OSBPL3: variants seen among roughly 807,000 people sequenced by gnomAD.
The protein encoded by OSBPL3 is oxysterol binding protein like 3.
A neutral mutation model predicts 120.1 loss-of-function variants in OSBPL3; 65 were observed. The ratio of observed to expected loss-of-function variants is 0.54; its 90% confidence interval spans 0.44 to 0.67. The LOEUF (loss-of-function observed/expected upper bound fraction) is 0.67, where lower values mean the gene tolerates loss of function less well. OSBPL3 is among the 30% of genes least tolerant of loss of function. The probability of loss-of-function intolerance (pLI) is 0.00; values close to 1 mark genes in which losing one functional copy is unlikely to be tolerated. For synonymous variants in OSBPL3, 416 were observed against 402.6 expected, an observed-to-expected ratio of 1.03 and a Z score of -0.40; for missense variants, 1,004 against 1,082.1, an observed-to-expected ratio of 0.93 and a Z score of 1.01.
chr7:24,925,767 G>A (rs114503947), intron 1 of OSBPL3, among the ~76,000 whole-genome samples: 1 of 152,210 alleles, frequency 6.6e-6, no homozygotes, highest in Admixed American at 6.5e-5. Context: ...TACTGATGGT[G>A]TATTCAAAGC....
chr7:24,852,283 C>A lies in OSBPL3; in HGVS notation c.1158+221G>T, dbSNP rs1298762063. 6.6e-6 allele frequency among the ~76,000 whole-genome samples: 1 copy of A among 152,050 alleles called. No homozygotes were observed. Among genetic ancestry groups the A allele is most frequent in the African/African-American group, 2.4e-5 (1 of 41,400 alleles). Reference sequence around the variant, plus strand: ...AAAATTAAGATCAGTCAGAGGAAACCAAACTTAAAGAAGGTATCACTTAAT... The same window carrying A: ...AAAATTAAGATCAGTCAGAGGAAACAAAACTTAAAGAAGGTATCACTTAAT... On this transcript the variant is annotated intron_variant, in intron 11 of 22. Transcript: ENST00000313367. The surrounding 1 kb of genome is among the most constrained non-coding windows in gnomAD (Gnocchi z 4.1).
intron 5 of OSBPL3, among the ~76,000 whole-genome samples, chr7:24,869,634 C>T (rs1365156922): frequency 6.6e-6 from 1 of 152,150 alleles, no homozygotes; most frequent in Non-Finnish European, 1.5e-5. Flanking sequence ...AAGTCGGCCT[C>T]CCACACCAAA....
chr7:24,816,461 A>C (rs1794476194), intron 18 of OSBPL3, 149 bp downstream of exon 18: 1 of 635,648 alleles, frequency 1.6e-6, no homozygotes. Flanking sequence ...TGCCAAAAGG[A>C]GGAACATTTA....
chr7:24,836,301 A>C (rs1271073812), intron 14 of OSBPL3, among the ~76,000 whole-genome samples: 2 of 152,058 alleles, frequency 1.3e-5, no homozygotes, highest in Non-Finnish European at 2.9e-5. Context: ...TTTCATTTTT[A>C]ATTTCTGTCA....
At chr7:24,882,590 T>A (rs1803867577) in intron 2 of OSBPL3, among the ~76,000 whole-genome samples, 1 of 152,240 alleles carries the variant, frequency 6.6e-6, no homozygotes, top group Non-Finnish European at 1.5e-5. Flanking sequence ...TATATTTATT[T>A]CTTTTCCTTT....
Position 24,861,775 on chromosome 7 carries a change from G to A in OSBPL3, c.871-6C>T, listed in dbSNP as rs779409747. 5.7e-6 allele frequency: 9 copies of A among 1,569,470 alleles called. No individual in the cohort carries two copies. The East Asian group carries it at 2.1e-4, about 36-fold the overall frequency. ...CCAGAAAAAGGTTTCGGGACCTGAA[G>A]TAACACCAAAGGGAGATATTTCTTT... On this transcript the variant is annotated splice_polypyrimidine_tract_variant and splice_region_variant and intron_variant, in intron 9 of 22. Coordinates refer to ENST00000313367, the MANE Select transcript of OSBPL3 (RefSeq NM_015550.4).
rs764249870 is a variant in OSBPL3 at position 24,892,378 on chromosome 7, T to G, written c.95A>C (p.Gln32Pro). The stretch of plus-strand genomic sequence containing the variant: ...AAATTTGCATGAGTTAAACTTTACC[T>G]GTCGACTTCCTTGCTTGGAAGAGCA... ...SSCSSKQGSR[Q>P]DSWEVVEGLR... is the part of the protein sequence containing the mutation. Residue 32 changes from glutamine (Q) to proline (P), a missense_variant and splice_region_variant, in exon 2 of 23, where the codon CAG (glutamine) becomes CCG (proline). Physicochemically the swap from Gln to Pro is moderately conservative, Grantham distance 76. Coordinates refer to ENST00000313367, the MANE Select transcript of OSBPL3 (RefSeq NM_015550.4). The G allele has an allele frequency of 8.7e-6, 14 of 1,613,132 alleles. No homozygotes were observed. The highest frequency in any genetic ancestry group is 1.7e-6 in the Non-Finnish European group (2 of 1,179,316).
At chr7:24,869,154 C>A (rs1801769829) in intron 5 of OSBPL3, among the ~76,000 whole-genome samples, 1 of 152,192 alleles carries the variant, frequency 6.6e-6, no homozygotes, top group South Asian at 2.1e-4. Context: ...CCAAACAGAA[C>A]TTAAAGCAAA....
chr7:24,917,401 C>CATATATATATATATAT (rs59525014), intron 1 of OSBPL3, among the ~76,000 whole-genome samples: 2,317 of 99,720 alleles, frequency 0.023, 40 homozygotes, highest in South Asian at 0.03. Context: ...ATATTTGTAA[C>CATATATATATATATAT]ATATATATAT....
Position 24,804,231 on chromosome 7 carries a change from A to G in OSBPL3, c.2567+84T>C, listed in dbSNP as rs556548206. ...CTGGAGAATGCTCTTATCTGGGGAC[A>G]GTACTGTTCACTTTCTGCAAACCAG... On this transcript the variant is annotated intron_variant, in intron 22 of 22. Transcript: ENST00000313367. The surrounding 1 kb of genome is among the most constrained non-coding windows in gnomAD (Gnocchi z 5.4). 6.7e-5 allele frequency: 100 copies of G among 1,498,072 alleles called. No homozygotes were observed. The African/African-American group carries it at 1.3e-3, about 19-fold the overall frequency. 92.8% of individuals were successfully genotyped at this position (1,498,072 alleles called of 1,614,324 possible).
In OSBPL3 at chr7:24,955,636, C is replaced by A. The variant is rs1814953936; in HGVS notation, c.-150+24250G>T. ...GCCATTTCTATGTAAAATCAAACAG[C>A]AGCACCCCTGTCCCCTATACACTCT... On this transcript the variant is annotated intron_variant, in intron 1 of 22. Transcript: ENST00000313367. The surrounding 1 kb of genome is among the most constrained non-coding windows in gnomAD (Gnocchi z 4.3). 6.6e-6 allele frequency among the ~76,000 whole-genome samples: 1 copy of A among 152,220 alleles called. No homozygotes were observed. The highest frequency in any genetic ancestry group is 1.5e-5 in the Non-Finnish European group (1 of 68,044).
At chr7:24,962,438 G>A (rs1264212486) in intron 1 of OSBPL3, among the ~76,000 whole-genome samples, 1 of 105,468 alleles carries the variant, frequency 9.5e-6, no homozygotes, top group Non-Finnish European at 2.1e-5. Context: ...GAGGAGAGAG[G>A]AGGAGAGAGG....
chr7:24,946,052 G>C lies in OSBPL3; in HGVS notation c.-150+33834C>G, dbSNP rs1447042909. Among the ~76,000 whole-genome samples the C allele has an allele frequency of 1.3e-5, 2 of 152,128 alleles. No homozygotes were observed. Among genetic ancestry groups the C allele is most frequent in the South Asian group, 2.1e-4 (1 of 4,818 alleles). ...GCCAGGTGGGGCTGGAGCTAGGTGG[G>C]GCTAGAGTCATCTGAAGGCTCAGCT... On this transcript the variant is annotated intron_variant, in intron 1 of 22. Coordinates refer to ENST00000313367, the MANE Select transcript of OSBPL3 (RefSeq NM_015550.4). The surrounding 1 kb of genome is among the most constrained non-coding windows in gnomAD (Gnocchi z 4.3).
intron 22 of OSBPL3, among the ~76,000 whole-genome samples, chr7:24,801,014 G>A (rs571347549): frequency 1.3e-5 from 2 of 150,862 alleles, no homozygotes; most frequent in South Asian, 2.1e-4. Flanking sequence ...AGGCCGAAGC[G>A]GGCACATCAC....
Position 24,940,921 on chromosome 7 carries a change from G to A in OSBPL3, c.-150+38965C>T, listed in dbSNP as rs931541309. Among the ~76,000 whole-genome samples, 3 of 151,538 alleles carry A rather than the reference G, an allele frequency of 2.0e-5. No homozygotes were observed. Among genetic ancestry groups the A allele is most frequent in the South Asian group, 2.1e-4 (1 of 4,800 alleles). On this transcript the variant is annotated intron_variant, in intron 1 of 22. Transcript: ENST00000313367. This position sits in a 1 kb window ranked among gnomAD's most constrained non-coding sequence, Gnocchi z 4.4. ...TGCAAGCTCTGCCTCCCGGGTTCAA[G>A]CCATTCTCCTGCCCCAGCCTCCCAA... is the stretch of plus-strand genomic sequence containing the variant.
At chr7:24,823,555 G>C (rs1482568118) in intron 16 of OSBPL3, among the ~76,000 whole-genome samples, 1 of 151,972 alleles carries the variant, frequency 6.6e-6, no homozygotes, top group African/African-American at 2.4e-5. Flanking sequence ...CAGGGCTCGT[G>C]TCCCTCCCCA....
rs1266906627 is a variant in OSBPL3, at chr7:24,955,378, G to A, written c.-150+24508C>T. On this transcript the variant is annotated intron_variant, in intron 1 of 22. Coordinates refer to ENST00000313367, the MANE Select transcript of OSBPL3 (RefSeq NM_015550.4). The surrounding 1 kb of genome is among the most constrained non-coding windows in gnomAD (Gnocchi z 4.3). ...ATATACTGAGCACTTACAATGCGCT[G>A]GGAATTTTTCCAGTGCTGGGAATAC... is the stretch of plus-strand genomic sequence containing the variant. Among the ~76,000 whole-genome samples, 1 of 152,168 alleles carries A rather than the reference G, an allele frequency of 6.6e-6. No individual in the cohort carries two copies. Among genetic ancestry groups the A allele is most frequent in the Non-Finnish European group, 1.5e-5 (1 of 68,028 alleles).
At chr7:24,840,974 C>G (rs916800456) in intron 13 of OSBPL3, among the ~76,000 whole-genome samples, 191 bp from the exon 14 acceptor site, 1 of 152,190 alleles carries the variant, frequency 6.6e-6, no homozygotes, top group African/African-American at 2.4e-5. Flanking sequence ...TCTTAAAATT[C>G]TTACACATTC....
Position 24,946,633 on chromosome 7 carries a change from T to A in OSBPL3, c.-150+33253A>T, listed in dbSNP as rs1308007477. 1.3e-5 allele frequency among the ~76,000 whole-genome samples: 2 copies of A among 152,220 alleles called. No individual in the cohort carries two copies. The highest frequency in any genetic ancestry group is 2.9e-5 in the Non-Finnish European group (2 of 68,026). On this transcript the variant is annotated intron_variant, in intron 1 of 22. Coordinates refer to ENST00000313367, the MANE Select transcript of OSBPL3 (RefSeq NM_015550.4). This position sits in a 1 kb window ranked among gnomAD's most constrained non-coding sequence, Gnocchi z 4.3. ...CCTAACAAGAGGGTTACAAAGCTGC[T>A]TTTGGACTTTGGACTCCTAAGCAAC...
Sources: gnomAD v4.1 joint callset for allele counts (sites outside exome capture counted in the v4.1 genomes callset) on GRCh38, gnomAD v4.1.1 for gene constraint, Gnocchi (gnomAD v3.1) non-coding constraint, MANE v1.5 for transcripts, NCBI Gene and HGNC (gene_info 2026-07-23, HGNC 2026-07-21) for gene names.